FAT3: variants seen among roughly 807,000 people sequenced by gnomAD.
FAT3 encodes the protein protocadherin Fat 3.
FAT3 carries 95 observed loss-of-function variants against 310.2 expected under a neutral mutation model. The observed-to-expected ratio is 0.31, with a 90% CI of 0.26 to 0.36. The LOEUF (loss-of-function observed/expected upper bound fraction) is 0.36, where lower values mean the gene tolerates loss of function less well. Among genes scored for constraint, FAT3 ranks in the 10% least tolerant of loss-of-function variants. FAT3 has a pLI of 1.00. For synonymous variants in FAT3, 2,314 were observed against 2,192.9 expected (o/e 1.06, Z -1.54); for missense variants, 5,408 against 5,715.6 (o/e 0.95, Z 1.74).
At chr11:92,600,705 A>G (rs969766080) in intron 3 of FAT3, among the ~76,000 whole-genome samples, 3 of 152,186 alleles carry the variant, frequency 2.0e-5, no homozygotes, top group Non-Finnish European at 4.4e-5. Context: ...TAGTAAGATC[A>G]TAGACAAGAA....
intron 2 of FAT3, among the ~76,000 whole-genome samples, chr11:92,378,777 G>T (rs558271895): frequency 6.6e-6 from 1 of 152,278 alleles, no homozygotes; most frequent in Non-Finnish European, 1.5e-5. Context: ...GGAAGTCTAA[G>T]TGCAAGGAGC....
At chr11:92,719,598 G>A (rs1944799663) in intron 4 of FAT3, among the ~76,000 whole-genome samples, 2 of 149,508 alleles carry the variant, frequency 1.3e-5, no homozygotes, top group Admixed American at 1.3e-4. Context: ...AGGAAACAAA[G>A]ACAAGAAAAA....
intron 2 of FAT3, among the ~76,000 whole-genome samples, chr11:92,462,459 A>G (rs984278941): frequency 1.3e-5 from 2 of 152,156 alleles, no homozygotes; most frequent in Non-Finnish European, 2.9e-5. Flanking sequence ...TGCTTAGGAT[A>G]ATGGCCTCCA....
At chr11:92,849,129 G>A (rs1948755134) in intron 19 of FAT3, among the ~76,000 whole-genome samples, 1 of 152,152 alleles carries the variant, frequency 6.6e-6, no homozygotes, top group African/African-American at 2.4e-5. Flanking sequence ...ACCAAAACTT[G>A]GAAAGGTCAA....
At chr11:92,397,597 T>C (rs746689178) in intron 2 of FAT3, among the ~76,000 whole-genome samples, 20 of 152,168 alleles carry the variant, frequency 1.3e-4, no homozygotes, top group Non-Finnish European at 2.6e-4. Context: ...CCCCTTGCAA[T>C]GGACTCATAG....
intron 1 of FAT3, among the ~76,000 whole-genome samples, chr11:92,328,454 C>T (rs186077175): frequency 1.3e-5 from 2 of 152,286 alleles, no homozygotes; most frequent in African/African-American, 4.8e-5. Context: ...CTGTAATCAT[C>T]GTACAAGGTA....
chr11:92,866,963 C>A lies in FAT3; in HGVS notation c.11881C>A (p.Leu3961Met), dbSNP rs2136349760. Reference sequence around the variant, plus strand: ...TGAGAGTAGCATCTACTTCGGCGCCCTGGTGCAAGCGGATAACATCCGCAG... The same window carrying A: ...TGAGAGTAGCATCTACTTCGGCGCCATGGTGCAAGCGGATAACATCCGCAG... ...STESSIYFGA[L>M]VQADNIRSLT... Residue 3961 changes from leucine (L) to methionine (M), a missense_variant, in exon 22 of 28, where the codon CTG becomes ATG. Around this residue, in one of 5 missense-constraint regions of FAT3, gnomAD observed 4,588 missense variants for 4,809.8 expected, o/e 0.95. Transcript: ENST00000525166. The A allele has an allele frequency of 1.2e-6, 2 of 1,613,032 alleles. No homozygotes were observed. Among genetic ancestry groups the A allele is most frequent in the South Asian group, 2.2e-5 (2 of 90,866 alleles).
At chr11:92,432,637 A>G (rs1401185086) in intron 2 of FAT3, among the ~76,000 whole-genome samples, 1 of 152,102 alleles carries the variant, frequency 6.6e-6, no homozygotes, top group Non-Finnish European at 1.5e-5. Context: ...CCTTTGGAAG[A>G]TTTGTTCCAG....
intron 22 of FAT3, among the ~76,000 whole-genome samples, chr11:92,870,659 T>C (rs1197236365): frequency 6.6e-6 from 1 of 152,098 alleles, no homozygotes; most frequent in East Asian, 1.9e-4. Context: ...TTATCATGCT[T>C]AGCTCAAGCC....
intron 19 of FAT3, among the ~76,000 whole-genome samples, chr11:92,851,260 A>G (rs1948823377): frequency 6.6e-6 from 1 of 152,204 alleles, no homozygotes. Context: ...GGTCTCTGCC[A>G]TGTTGCTGGG....
At chr11:92,437,423 A>G (rs148046260) in intron 2 of FAT3, among the ~76,000 whole-genome samples, 33 of 152,328 alleles carry the variant, frequency 2.2e-4, no homozygotes, top group Non-Finnish European at 3.8e-4. Context: ...TGGGCAAGCT[A>G]TTTAACTTCT....
intron 18 of FAT3, among the ~76,000 whole-genome samples, chr11:92,842,508 A>C (rs937730115): frequency 4.6e-5 from 7 of 152,208 alleles, no homozygotes; most frequent in Admixed American, 2.6e-4. Context: ...ATCCTTCTCC[A>C]TGAATTTTAC....
At position 92,889,267 on chromosome 11, in the gene FAT3, C is replaced by A; in HGVS notation, c.13111+19C>A. The A allele has an allele frequency of 1.4e-6, 1 of 694,730 alleles. No homozygotes were observed. Among genetic ancestry groups the A allele is most frequent in the Non-Finnish European group, 2.7e-6 (1 of 373,874 alleles). 43.0% of individuals were successfully genotyped at this position (694,730 alleles called of 1,614,324 possible). ...AATGAAGGTATTTACTTTTTTTCTT[C>A]CATAGCATTTCTTGAAATTTTGCTT... is the stretch of plus-strand genomic sequence containing the variant. On this transcript the variant is annotated intron_variant, in intron 26 of 27. Coordinates refer to ENST00000525166, the MANE Select transcript of FAT3 (RefSeq NM_001367949.2).
intron 1 of FAT3, among the ~76,000 whole-genome samples, chr11:92,348,760 G>C (rs552928576): frequency 3.9e-5 from 6 of 152,258 alleles, no homozygotes; most frequent in Non-Finnish European, 8.8e-5. Flanking sequence ...TGTAAACTCA[G>C]GAGATTGGAA....
At chr11:92,470,262 A>G (rs1240970818) in intron 2 of FAT3, among the ~76,000 whole-genome samples, 1 of 152,170 alleles carries the variant, frequency 6.6e-6, no homozygotes. Context: ...AACTAAAGAC[A>G]ATTATTCTAG....
chr11:92,330,999 TGTGTGAGAGAGAGAGA>T (rs1414452182), intron 1 of FAT3, among the ~76,000 whole-genome samples: 6 of 117,894 alleles, frequency 5.1e-5, no homozygotes, highest in African/African-American at 2.9e-4. Context: ...TGTGTGTGTG[TGTGTGAGAGAGAGAGA>T]GAGAGAAACA....
intron 2 of FAT3, among the ~76,000 whole-genome samples, chr11:92,481,900 T>C (rs1278375212): frequency 1.3e-5 from 2 of 152,214 alleles, no homozygotes; most frequent in Non-Finnish European, 2.9e-5. Flanking sequence ...AATGGATCGA[T>C]TTTTGTGAAA....
chr11:92,605,115 C>T (rs1201283345), intron 3 of FAT3, among the ~76,000 whole-genome samples: 1 of 152,214 alleles, frequency 6.6e-6, no homozygotes, highest in Non-Finnish European at 1.5e-5. Context: ...TCCTCCTGCA[C>T]TTAGAATCTC....
intron 2 of FAT3, among the ~76,000 whole-genome samples, chr11:92,374,299 C>T (rs2134731674): frequency 6.6e-6 from 1 of 152,314 alleles, no homozygotes; most frequent in South Asian, 2.1e-4. Context: ...GGATGTTGCA[C>T]TTAAAACGGT....
Sources: allele counts gnomAD v4.1 joint callset (sites outside exome capture counted in the v4.1 genomes callset), GRCh38; gene constraint gnomAD v4.1.1; regional missense constraint gnomAD v4.1.1; transcripts MANE v1.5; gene names NCBI Gene and HGNC (gene_info 2026-07-23, HGNC 2026-07-21).